ARID4A: variants seen among roughly 807,000 people sequenced by gnomAD.
ARID4A encodes AT-rich interaction domain 4A, also known as AT-rich interactive domain-containing protein 4A.
Under a neutral mutation model 148.6 loss-of-function variants are expected in ARID4A, and 39 were observed. That is an observed-to-expected ratio of 0.26 (90% CI 0.20 to 0.34). The LOEUF is 0.34. Among genes scored for constraint, ARID4A ranks in the 10% least tolerant of loss-of-function variants. ARID4A has a pLI of 1.00. For synonymous variants in ARID4A, 475 were observed against 481.2 expected (o/e 0.99, Z 0.17); for missense variants, 1,265 against 1,449.1 (o/e 0.87, Z 2.06).
intron 5 of ARID4A, among the ~76,000 whole-genome samples, chr14:58,312,207 T>C (rs1401683052): frequency 6.6e-6 from 1 of 151,982 alleles, no homozygotes; most frequent in Non-Finnish European, 1.5e-5. Context: ...ATACATACTA[T>C]TAATGTTAAA....
intron 11 of ARID4A, among the ~76,000 whole-genome samples, chr14:58,336,650 C>A (rs1594918833): frequency 6.6e-6 from 1 of 152,100 alleles, no homozygotes; most frequent in African/African-American, 2.4e-5. Context: ...GTAGGAGATA[C>A]AAACAAGTAA....
chr14:58,351,120 TGAA>T lies in ARID4A; in HGVS notation c.1458_1460del (p.Glu487del), dbSNP rs761978639. 1.2e-6 allele frequency: 2 copies of T among 1,603,314 alleles called. No homozygotes were observed. The highest frequency in any genetic ancestry group is 1.7e-6 in the Non-Finnish European group (2 of 1,177,572). ...ATGTAAATTCTATTAAAAAGGAAAT[TGAA>T]GAAGAGAAAACAGAAGACAAATTAA... is the stretch of plus-strand genomic sequence containing the variant. On this transcript the variant is annotated inframe_deletion, in exon 16 of 24. Transcript: ENST00000355431.
At chr14:58,338,775 G>T (rs1175377286) in intron 11 of ARID4A, among the ~76,000 whole-genome samples, 1 of 151,744 alleles carries the variant, frequency 6.6e-6, no homozygotes, top group African/African-American at 2.4e-5. Context: ...CTAAAAGAAA[G>T]AATATAATAA....
intron 23 of ARID4A, among the ~76,000 whole-genome samples, chr14:58,369,036 C>G (rs2035484464): frequency 6.6e-6 from 1 of 151,800 alleles, no homozygotes; most frequent in African/African-American, 2.4e-5. Context: ...AATATGATAG[C>G]AGGAATTTAA....
At chr14:58,366,371 AC>A in intron 22 of ARID4A, 141 bp downstream of exon 22, 1 of 703,490 alleles carries the variant, frequency 1.4e-6, no homozygotes, top group South Asian at 2.0e-5. Flanking sequence ...AGCAAGAATC[AC>A]CACATGTTGT....
Position 58,364,538 on chromosome 14 carries a change from G to T in ARID4A, c.2449G>T (p.Ala817Ser). 1 of 1,611,512 alleles carries T rather than the reference G, an allele frequency of 6.2e-7. No homozygotes were observed. The highest frequency in any genetic ancestry group is 8.5e-7 in the Non-Finnish European group (1 of 1,179,520). ...GATTTCATCATTTGGCCAGAATGAA[G>T]CAGGAAGTGAACCTCATATAGAAGC... ...IKISSFGQNE[A>S]GSEPHIEAHS... Residue 817 changes from alanine to serine, a missense_variant, in exon 20 of 24, where the codon GCA becomes TCA. Coordinates refer to ENST00000355431, the MANE Select transcript of ARID4A (RefSeq NM_002892.4).
chr14:58,299,601 A>ACAGCC, intron 1 of ARID4A, 197 bp from the exon 2 acceptor site: 3 of 573,448 alleles, frequency 5.2e-6, no homozygotes, highest in Non-Finnish European at 6.2e-6. Flanking sequence ...CCGGGGCGGA[A>ACAGCC]CGGGCTGCCC....
chr14:58,354,909 T>G (rs900353808), intron 17 of ARID4A, among the ~76,000 whole-genome samples: 1 of 152,238 alleles, frequency 6.6e-6, no homozygotes, highest in Non-Finnish European at 1.5e-5. Flanking sequence ...CTGTTTTTTC[T>G]GTGTTCAGAC....
intron 11 of ARID4A, among the ~76,000 whole-genome samples, chr14:58,337,940 C>T (rs1230990392): frequency 2.6e-5 from 4 of 152,148 alleles, no homozygotes; most frequent in Non-Finnish European, 5.9e-5. Context: ...CATGATGTGA[C>T]CCATGCCCAC....
intron 3 of ARID4A, among the ~76,000 whole-genome samples, chr14:58,304,147 T>G (rs1348554089): frequency 6.6e-6 from 1 of 152,204 alleles, no homozygotes; most frequent in Non-Finnish European, 1.5e-5. Flanking sequence ...TTATAAAATT[T>G]ATGTTTCAGT....
chr14:58,353,475 T>C (rs1379409978), intron 16 of ARID4A, 183 bp from the exon 17 acceptor site: 1 of 567,718 alleles, frequency 1.8e-6, no homozygotes, highest in Non-Finnish European at 3.1e-6. Context: ...CACCTTTACA[T>C]AATAAATTCC....
chr14:58,344,813 T>C, intron 12 of ARID4A, 46 bp downstream of exon 12: 1 of 1,399,450 alleles, frequency 7.1e-7, no homozygotes, highest in Non-Finnish European at 1.0e-6. Context: ...CTTTTTCATG[T>C]TTACATTCTA....
At chr14:58,312,216 A>AT (rs2032092729) in intron 5 of ARID4A, among the ~76,000 whole-genome samples, 4 of 151,510 alleles carry the variant, frequency 2.6e-5, no homozygotes, top group African/African-American at 9.7e-5. Context: ...ATTAATGTTA[A>AT]ATTTTTTTTT....
intron 11 of ARID4A, among the ~76,000 whole-genome samples, chr14:58,336,137 C>T (rs1382049090): frequency 6.6e-6 from 1 of 151,932 alleles, no homozygotes; most frequent in African/African-American, 2.4e-5. Context: ...AAGCATATCG[C>T]GTAATACTAC....
At chr14:58,318,648 G>T in intron 6 of ARID4A, 27 bp downstream of exon 6, 2 of 1,613,700 alleles carry the variant, frequency 1.2e-6, no homozygotes, top group Non-Finnish European at 1.7e-6. Flanking sequence ...GGACGATTTG[G>T]ATTGAACTAC....
chr14:58,355,213 T>C (rs2034818714), intron 17 of ARID4A, among the ~76,000 whole-genome samples: 1 of 152,190 alleles, frequency 6.6e-6, no homozygotes, highest in African/African-American at 2.4e-5. Flanking sequence ...CTCTATACAC[T>C]AGATGTGTGC....
rs1594850617 is a variant in ARID4A, at chr14:58,298,668, T to A, written c.-90T>A. On this transcript the variant is annotated 5_prime_UTR_variant, in exon 1 of 24. Coordinates refer to ENST00000355431, the MANE Select transcript of ARID4A (RefSeq NM_002892.4). ...CGGAGGTCAGAGGGGAGGAGGACTC[T>A]GGAGCTGACAGCGCGCACTTCACCC... 6.6e-6 allele frequency: 1 copy of A among 152,658 alleles called. No individual in the cohort carries two copies. Among genetic ancestry groups the A allele is most frequent in the South Asian group, 2.1e-4 (1 of 4,846 alleles). The allele number at this position is 152,658 out of a possible 1,614,324, so 9.5% of individuals were successfully genotyped here. A position where few individuals can be genotyped will look rare whatever the true frequency, so the allele number is the denominator to read the frequency against.
intron 23 of ARID4A, among the ~76,000 whole-genome samples, chr14:58,370,543 C>T (rs931482436): frequency 7.0e-4 from 106 of 152,136 alleles, no homozygotes; most frequent in African/African-American, 2.5e-3. Flanking sequence ...GTAATCTGCC[C>T]ACCTCGTCCT....
chr14:58,344,750 A>C lies in ARID4A; in HGVS notation c.962A>C (p.Lys321Thr). ...GACAACTTCCTCCAGCAGCTTTATA[A>C]GTTTATGGAAGACAGAGGTATTTTC... ...ERDNFLQQLY[K>T]FMEDRGTPIN... Residue 321 changes from lysine to threonine, a missense_variant, in exon 12 of 24, where the codon AAG becomes ACG. Lys to Thr is a moderately conservative substitution (Grantham distance 78, BLOSUM62 -1). This residue lies in a region of ARID4A where 249 missense variants were observed against 277.2 expected (regional missense o/e 0.90). Transcript: ENST00000355431. 6.2e-7 allele frequency: 1 copy of C among 1,612,274 alleles called. No individual in the cohort carries two copies. Among genetic ancestry groups the C allele is most frequent in the East Asian group, 2.2e-5 (1 of 44,826 alleles).
Sources: allele counts gnomAD v4.1 joint callset (sites outside exome capture counted in the v4.1 genomes callset), GRCh38; gene constraint gnomAD v4.1.1; regional missense constraint gnomAD v4.1.1; transcripts MANE v1.5; gene names NCBI Gene and HGNC (gene_info 2026-07-23, HGNC 2026-07-21).